NEO1: variants seen among roughly 807,000 people sequenced by gnomAD.
NEO1 encodes the protein neogenin.
A neutral mutation model predicts 159.7 loss-of-function variants in NEO1; 63 were observed. The ratio of observed to expected loss-of-function variants is 0.39; its 90% CI spans 0.32 to 0.49. NEO1 has a LOEUF of 0.49. Among genes scored for constraint, NEO1 ranks in the 20% least tolerant of loss-of-function variants. The pLI is 0.85. For synonymous variants in NEO1, 633 were observed against 662.0 expected (o/e 0.96, Z 0.67); for missense variants, 1,615 against 1,831.0 (o/e 0.88, Z 2.15).
intron 5 of NEO1, among the ~76,000 whole-genome samples, chr15:73,158,712 AT>A (rs1212012990): frequency 1.3e-5 from 2 of 152,168 alleles, no homozygotes; most frequent in African/African-American, 4.8e-5. Context: ...TTAATTAAAT[AT>A]TTTTAATAGA....
At chr15:73,216,828 A>G (rs2037916150) in intron 7 of NEO1, among the ~76,000 whole-genome samples, 1 of 152,196 alleles carries the variant, frequency 6.6e-6, no homozygotes, top group Admixed American at 6.5e-5. Flanking sequence ...TCTGGATATT[A>G]GCCCTTTGTC....
chr15:73,258,708 A>G, intron 13 of NEO1, 58 bp from the exon 14 acceptor site: 1 of 1,410,426 alleles, frequency 7.1e-7, no homozygotes, highest in Non-Finnish European at 1.0e-6. Context: ...AGGGATTATT[A>G]ATCTTTTGTT....
chr15:73,053,500 T>G (rs1004643600), intron 1 of NEO1, among the ~76,000 whole-genome samples: 1 of 152,248 alleles, frequency 6.6e-6, no homozygotes, highest in Admixed American at 6.5e-5. Flanking sequence ...TTACAGCCTA[T>G]TAACCACTCT....
chr15:73,052,718 T>G lies in NEO1; in HGVS notation c.43T>G (p.Ser15Ala). Residue 15 changes from serine (S) to alanine (A), a missense_variant, in exon 1 of 29, where the codon TCC (serine) becomes GCC (alanine). Physicochemically the swap from Ser to Ala is moderately conservative, Grantham distance 99. Coordinates refer to ENST00000261908, the MANE Select transcript of NEO1 (RefSeq NM_002499.4). ...AGCCCGGCGACTCCTCAGCACCCCC[T>G]CCTTCTGGCTCTACTGCCTGCTGCT... is the stretch of plus-strand genomic sequence containing the variant. ...RGARRLLSTP[S>A]FWLYCLLLLG... 2 of 1,348,536 alleles carry G rather than the reference T, an allele frequency of 1.5e-6. No homozygotes were observed. The highest frequency in any genetic ancestry group is 1.9e-6 in the Non-Finnish European group (2 of 1,042,122). 83.5% of individuals were successfully genotyped at this position (1,348,536 alleles called of 1,614,324 possible).
rs1596563131 is a variant in NEO1, at chr15:73,277,076, A to G, written c.3194-1055A>G. 2.0e-5 allele frequency among the ~76,000 whole-genome samples: 3 copies of G among 152,340 alleles called. No homozygotes were observed. The East Asian group carries it at 5.8e-4, about 29-fold the overall frequency. On this transcript the variant is annotated intron_variant, in intron 21 of 28. Transcript: ENST00000261908. ...ATTATTATCCCTGTGTTACAATGAGAAAACTGAGGCCCAAAAAGAATAAAT... is the reference window on the plus strand; with the variant it reads ...ATTATTATCCCTGTGTTACAATGAGGAAACTGAGGCCCAAAAAGAATAAAT...
intron 7 of NEO1, among the ~76,000 whole-genome samples, chr15:73,194,982 T>C (rs977423658): frequency 1.3e-4 from 20 of 152,222 alleles, no homozygotes; most frequent in Non-Finnish European, 2.2e-4. Context: ...GGTAGACATA[T>C]AATTAAAGTA....
At chr15:73,053,434 T>C (rs931623515) in intron 1 of NEO1, among the ~76,000 whole-genome samples, 2 of 152,196 alleles carry the variant, frequency 1.3e-5, no homozygotes, top group African/African-American at 2.4e-5. Flanking sequence ...AGTGATCGTA[T>C]CTGTTAGTGT....
intron 5 of NEO1, among the ~76,000 whole-genome samples, chr15:73,156,155 T>C (rs2033756394): frequency 6.6e-6 from 1 of 152,238 alleles, no homozygotes; most frequent in Non-Finnish European, 1.5e-5. Flanking sequence ...GTTGATTGGA[T>C]AGGGCGTTTT....
chr15:73,098,369 G>A (rs1157107558), intron 1 of NEO1, among the ~76,000 whole-genome samples: 2 of 152,064 alleles, frequency 1.3e-5, no homozygotes, highest in African/African-American at 4.8e-5. Flanking sequence ...TAGCCTCAAA[G>A]TCAAATCTAT....
At chr15:73,218,918 C>T (rs986621239) in intron 7 of NEO1, among the ~76,000 whole-genome samples, 25 of 151,722 alleles carry the variant, frequency 1.6e-4, no homozygotes, top group African/African-American at 4.1e-4. Context: ...GTATCTCTAT[C>T]TCCTTCAGTT....
intron 1 of NEO1, among the ~76,000 whole-genome samples, chr15:73,055,040 G>A (rs1173094083): frequency 1.3e-5 from 2 of 152,176 alleles, no homozygotes; most frequent in African/African-American, 4.8e-5. Flanking sequence ...TTTTCCATCT[G>A]AGGTTATAGA....
chr15:73,276,477 CTT>C (rs1211574532), intron 21 of NEO1, among the ~76,000 whole-genome samples: 2 of 152,194 alleles, frequency 1.3e-5, no homozygotes, highest in Non-Finnish European at 2.9e-5. Flanking sequence ...CAACTGGACT[CTT>C]AATCTATGGT....
chr15:73,136,546 T>A (rs1489826672), intron 5 of NEO1, among the ~76,000 whole-genome samples: 2 of 152,152 alleles, frequency 1.3e-5, no homozygotes, highest in Admixed American at 1.3e-4. Context: ...GGTGAACAGA[T>A]CACCCAGGAA....
At chr15:73,134,556 CT>C (rs869160109) in intron 4 of NEO1, among the ~76,000 whole-genome samples, 144 of 143,128 alleles carry the variant, frequency 1.0e-3, no homozygotes, top group South Asian at 2.0e-3. Flanking sequence ...ATAAGGAATT[CT>C]TTTTTTTTTT....
intron 1 of NEO1, among the ~76,000 whole-genome samples, chr15:73,063,527 G>A (rs2151265288): frequency 6.6e-6 from 1 of 152,242 alleles, no homozygotes; most frequent in East Asian, 1.9e-4. Flanking sequence ...TTATGTTGAA[G>A]AGGATAAGGA....
chr15:73,089,524 T>C (rs2069558901), intron 1 of NEO1, among the ~76,000 whole-genome samples: 1 of 151,814 alleles, frequency 6.6e-6, no homozygotes, highest in African/African-American at 2.4e-5. Context: ...AAATATGCAA[T>C]GCATGGAAAA....
At chr15:73,301,933 T>G (rs1375628987) in intron 28 of NEO1, among the ~76,000 whole-genome samples, 1 of 152,172 alleles carries the variant, frequency 6.6e-6, no homozygotes, top group African/African-American at 2.4e-5. Context: ...CCTCCCAAAG[T>G]GCTGGGATAA....
At chr15:73,103,169 C>G (rs1375852628) in intron 1 of NEO1, among the ~76,000 whole-genome samples, 2 of 152,162 alleles carry the variant, frequency 1.3e-5, no homozygotes, top group Admixed American at 6.5e-5. Flanking sequence ...ACTGGTTTCC[C>G]TATCTCCAAT....
At chr15:73,266,506 A>T in intron 16 of NEO1, 95 bp downstream of exon 16, 1 of 845,520 alleles carries the variant, frequency 1.2e-6, no homozygotes, top group Non-Finnish European at 1.8e-6. Flanking sequence ...TTAGGGAAGA[A>T]AAAGCATATG....
Sources: allele counts gnomAD v4.1 joint callset (sites outside exome capture counted in the v4.1 genomes callset), GRCh38; gene constraint gnomAD v4.1.1; transcripts MANE v1.5; gene names NCBI Gene and HGNC (gene_info 2026-07-23, HGNC 2026-07-21).